HSD17B12: variants seen among roughly 807,000 people sequenced by gnomAD.
HSD17B12 encodes the protein hydroxysteroid 17-beta dehydrogenase 12.
HSD17B12 carries 32 observed loss-of-function variants against 39.3 expected under a neutral mutation model. The ratio of observed to expected loss-of-function variants is 0.81; its 90% confidence interval spans 0.61 to 1.09. The LOEUF is 1.09. Among genes scored for constraint, HSD17B12 ranks in the 50% least tolerant of loss-of-function variants. The pLI, the probability that HSD17B12 is intolerant of heterozygous loss-of-function variation, is 0.00. For synonymous variants in HSD17B12, 150 were observed against 146.7 expected (o/e 1.02, Z -0.16); for missense variants, 342 against 382.9 (o/e 0.89, Z 0.89).
chr11:43,767,969 A>G (rs1950610643), intron 3 of HSD17B12, among the ~76,000 whole-genome samples: 1 of 152,200 alleles, frequency 6.6e-6, no homozygotes, highest in South Asian at 2.1e-4. Context: ...TACTCCTCAC[A>G]TGATTTAAAA....
the HSD17B12 span, among the ~76,000 whole-genome samples, chr11:43,597,539 T>C: frequency 6.6e-6 from 1 of 151,954 alleles, no homozygotes; most frequent in Non-Finnish European, 1.5e-5. Context: ...AATATTAGAG[T>C]GGTTTGGAAG....
intron 4 of HSD17B12, among the ~76,000 whole-genome samples, chr11:43,799,099 A>G (rs192615385): frequency 6.6e-6 from 1 of 152,198 alleles, no homozygotes; most frequent in Non-Finnish European, 1.5e-5. Context: ...GGCTTAGAAT[A>G]ATTTATTCAG....
the HSD17B12 span, among the ~76,000 whole-genome samples, chr11:43,587,456 A>G: frequency 6.6e-6 from 1 of 152,198 alleles, no homozygotes; most frequent in African/African-American, 2.4e-5. Context: ...CTTAGGTTGC[A>G]TGGTCAAATC....
intron 9 of HSD17B12, among the ~76,000 whole-genome samples, chr11:43,849,613 C>T (rs552115260): frequency 3.2e-4 from 48 of 152,298 alleles, no homozygotes; most frequent in Middle Eastern, 3.4e-3. Flanking sequence ...GGTTATAAGT[C>T]ACCACATCAA....
intron 1 of HSD17B12, among the ~76,000 whole-genome samples, chr11:43,744,488 T>A (rs982873868): frequency 6.6e-6 from 1 of 152,212 alleles, no homozygotes; most frequent in African/African-American, 2.4e-5. Context: ...CTACTTAGAA[T>A]TCTATACCCA....
chr11:43,637,833 T>C, the HSD17B12 span, among the ~76,000 whole-genome samples: 8 of 152,148 alleles, frequency 5.3e-5, no homozygotes, highest in South Asian at 1.7e-3. Context: ...CAATAATGTG[T>C]AAGAGAAAAA....
chr11:43,653,226 TG>T, the HSD17B12 span, among the ~76,000 whole-genome samples: 1 of 152,134 alleles, frequency 6.6e-6, no homozygotes, highest in Non-Finnish European at 1.5e-5. Flanking sequence ...GGAATGGTGC[TG>T]GAACAGTTGG....
At chr11:43,762,025 A>G (rs996313333) in intron 3 of HSD17B12, among the ~76,000 whole-genome samples, 1 of 152,214 alleles carries the variant, frequency 6.6e-6, no homozygotes, top group African/African-American at 2.4e-5. Context: ...GGAAAATACA[A>G]TCTGCCAGTT....
At chr11:43,851,893 T>C (rs967424345) in intron 9 of HSD17B12, among the ~76,000 whole-genome samples, 3 of 152,198 alleles carry the variant, frequency 2.0e-5, no homozygotes, top group African/African-American at 4.8e-5. Context: ...TCCTGAGCTA[T>C]GCAGTTCCCT....
At chr11:43,842,363 A>G (rs1334331830) in intron 9 of HSD17B12, among the ~76,000 whole-genome samples, 5 of 152,186 alleles carry the variant, frequency 3.3e-5, no homozygotes, top group African/African-American at 1.2e-4. Context: ...ATCATCTAAG[A>G]GCCTGCTTCC....
At chr11:43,617,888 A>G in the HSD17B12 span, among the ~76,000 whole-genome samples, 1 of 152,110 alleles carries the variant, frequency 6.6e-6, no homozygotes, top group African/African-American at 2.4e-5. Context: ...TCATCTCCCT[A>G]AGTATCTTTT....
At chr11:43,678,030 C>CTAG, upstream of HSD17B12, among the ~76,000 whole-genome samples, 1 of 152,328 alleles carries the variant, frequency 6.6e-6, no homozygotes, top group South Asian at 2.1e-4. Context: ...AATGGTTGAA[C>CTAG]TAGTTTACAG....
At chr11:43,580,092 T>A in the HSD17B12 span, among the ~76,000 whole-genome samples, 1 of 143,902 alleles carries the variant, frequency 6.9e-6, no homozygotes, top group Non-Finnish European at 1.5e-5. Flanking sequence ...CAGGAGAGGA[T>A]GTGGGAAGGG....
chr11:43,634,584 T>A, the HSD17B12 span, among the ~76,000 whole-genome samples: 1 of 152,178 alleles, frequency 6.6e-6, no homozygotes, highest in Non-Finnish European at 1.5e-5. Flanking sequence ...TACGTTTAAG[T>A]ATTGTGGTCT....
chr11:43,617,245 A>G, the HSD17B12 span, among the ~76,000 whole-genome samples: 2 of 152,192 alleles, frequency 1.3e-5, no homozygotes, highest in Middle Eastern at 3.2e-3. Flanking sequence ...CTCGCTTCTT[A>G]GTCTGAACTG....
chr11:43,854,819 C>T lies in HSD17B12; in HGVS notation c.789C>T (p.Val263=), dbSNP rs755298940. 48 of 1,614,036 alleles carry T rather than the reference C, an allele frequency of 3.0e-5. No individual in the cohort carries two copies. The highest frequency in any genetic ancestry group is 1.6e-4 in the Middle Eastern group (1 of 6,084). Residue 263 remains valine, a synonymous_variant, in exon 10 of 11, where the codon GTC becomes GTT. Transcript: ENST00000278353. The part of the protein sequence containing the change: ...ETFVKSAIKT[V]GLQSRTNGYL... ...TTGTGAAGTCTGCAATTAAAACAGT[C>T]GGCCTGCAATCCCGAACCAATGGAT...
chr11:43,603,878 T>G, the HSD17B12 span, among the ~76,000 whole-genome samples: 1 of 152,196 alleles, frequency 6.6e-6, no homozygotes, highest in Non-Finnish European at 1.5e-5. Flanking sequence ...TAGAGTTATA[T>G]CAGAATTTAA....
At chr11:43,606,392 T>C in the HSD17B12 span, among the ~76,000 whole-genome samples, 137 of 152,336 alleles carry the variant, frequency 9.0e-4, no homozygotes, top group African/African-American at 3.1e-3. Flanking sequence ...TGCCATTTTG[T>C]GGAAGTGGAG....
chr11:43,773,514 C>T (rs979546789), intron 3 of HSD17B12, among the ~76,000 whole-genome samples: 1 of 152,184 alleles, frequency 6.6e-6, no homozygotes, highest in African/African-American at 2.4e-5. Flanking sequence ...GCTGGAATTA[C>T]AGGAGTGAGC....
Sources: gnomAD v4.1 joint callset for allele counts (sites outside exome capture counted in the v4.1 genomes callset) on GRCh38, gnomAD v4.1.1 for gene constraint, MANE v1.5 for transcripts, NCBI Gene and HGNC (gene_info 2026-07-23, HGNC 2026-07-21) for gene names.